Variants in MACO1 observed in about 807,000 individuals in gnomAD.
MACO1 encodes macoilin 1, also known as macoilin.
MACO1 carries 14 observed loss-of-function variants against 78.7 expected under a neutral mutation model. That is an observed-to-expected ratio of 0.18 (90% CI 0.12 to 0.28). The LOEUF (loss-of-function observed/expected upper bound fraction) is 0.28. Among genes scored for constraint, MACO1 ranks in the 10% least tolerant of loss-of-function variants. The pLI is 1.00. For missense variants in MACO1, 501 were observed against 799.0 expected (o/e 0.63, Z 4.50); for synonymous variants, 288 against 291.6 (o/e 0.99, Z 0.12).
intron 6 of MACO1, among the ~76,000 whole-genome samples, chr1:25,463,918 G>T (rs192747354): frequency 2.0e-5 from 3 of 152,104 alleles, no homozygotes; most frequent in Non-Finnish European, 2.9e-5. Context: ...TATACCTGCT[G>T]TCCCCACACA....
At chr1:25,495,093 C>T (rs1447531714) in intron 10 of MACO1, among the ~76,000 whole-genome samples, 2 of 152,202 alleles carry the variant, frequency 1.3e-5, no homozygotes, top group African/African-American at 2.4e-5. Context: ...TGACCTTACA[C>T]TGACTTTTTT....
Position 25,431,032 on chromosome 1 carries a change from A to AGCG in MACO1, c.-58_-56dup. 3.4e-6 allele frequency: 4 copies of AGCG among 1,172,754 alleles called. No individual in the cohort carries two copies. Among genetic ancestry groups the AGCG allele is most frequent in the Non-Finnish European group, 4.5e-6 (4 of 890,648 alleles). The allele number at this position is 1,172,754 out of a possible 1,614,324, so 72.6% of individuals were successfully genotyped here. A position where few individuals can be genotyped will look rare whatever the true frequency, so the allele number is the denominator to read the frequency against. ...GTCCAGGCCCGACGCGGGGCGGGCC[A>AGCG]GCGGCGGCGGCAGCTGAGGTGAGAG... On this transcript the variant is annotated 5_prime_UTR_variant, in exon 1 of 11. Transcript: ENST00000374343.
intron 7 of MACO1, 89 bp downstream of exon 7, chr1:25,484,363 G>T: frequency 7.5e-7 from 1 of 1,329,210 alleles, no homozygotes; most frequent in African/African-American, 1.5e-5. Flanking sequence ...GATTTATGGT[G>T]ACAGAGACCT....
chr1:25,493,564 T>G (rs1332156531), intron 10 of MACO1, among the ~76,000 whole-genome samples: 1 of 152,030 alleles, frequency 6.6e-6, no homozygotes, highest in Non-Finnish European at 1.5e-5. Context: ...TAATTTATTA[T>G]TCATTTAAAA....
chr1:25,489,136 T>G, intron 8 of MACO1, 37 bp from the exon 9 acceptor site: 1 of 1,602,290 alleles, frequency 6.2e-7, no homozygotes, highest in Admixed American at 1.7e-5. Context: ...CTATAGTCTT[T>G]TAAATCACTT....
intron 6 of MACO1, among the ~76,000 whole-genome samples, chr1:25,481,105 T>TA (rs1557673486): frequency 6.6e-6 from 1 of 151,760 alleles, no homozygotes; most frequent in South Asian, 2.1e-4. Flanking sequence ...TAAATATTGT[T>TA]ATTTTTAGTT....
At chr1:25,463,824 T>C (rs1457448946) in intron 6 of MACO1, among the ~76,000 whole-genome samples, 1 of 152,198 alleles carries the variant, frequency 6.6e-6, no homozygotes, top group Non-Finnish European at 1.5e-5. Flanking sequence ...TCATAGCATT[T>C]TATAGTGTTT....
chr1:25,443,991 C>T (rs1455368094), intron 1 of MACO1, among the ~76,000 whole-genome samples: 1 of 151,394 alleles, frequency 6.6e-6, no homozygotes, highest in Non-Finnish European at 1.5e-5. Context: ...GTGGCTCACG[C>T]CTGTAATCCC....
At position 25,440,310 on chromosome 1, in the gene MACO1, G is replaced by T. The variant is rs1276180413; in HGVS notation, c.81-6452G>T. On this transcript the variant is annotated intron_variant, in intron 1 of 10. Coordinates refer to ENST00000374343, the MANE Select transcript of MACO1 (RefSeq NM_018202.6). ...ATTACTCTGGAGGCTGAGATAGGAG[G>T]ATCACTTGAGCCCAGGTTGAGGTTG... Among the ~76,000 whole-genome samples, 3 of 150,272 alleles carry T rather than the reference G, an allele frequency of 2.0e-5. No individual in the cohort carries two copies. The East Asian group carries it at 5.9e-4, about 29-fold the overall frequency.
intron 6 of MACO1, 121 bp downstream of exon 6, chr1:25,459,013 G>T: frequency 7.7e-7 from 1 of 1,290,582 alleles, no homozygotes. Context: ...GTGACGTGTG[G>T]TGTTTTACAT....
intron 1 of MACO1, among the ~76,000 whole-genome samples, chr1:25,432,458 T>C (rs983907136): frequency 6.6e-6 from 1 of 152,240 alleles, no homozygotes; most frequent in Non-Finnish European, 1.5e-5. Flanking sequence ...ATCAGTTATA[T>C]ATACTATGTG....
chr1:25,499,696 G>A lies in MACO1; in HGVS notation c.*1230G>A, dbSNP rs1187078289. 6.6e-6 allele frequency: 1 copy of A among 150,726 alleles called. No homozygotes were observed. The highest frequency in any genetic ancestry group is 6.6e-5 in the Admixed American group (1 of 15,162). 9.3% of individuals were successfully genotyped at this position (150,726 alleles called of 1,614,324 possible). A position where few individuals can be genotyped will look rare whatever the true frequency, so the allele number is the denominator to read the frequency against. On this transcript the variant is annotated 3_prime_UTR_variant, in exon 11 of 11. Transcript: ENST00000374343. The stretch of plus-strand genomic sequence containing the variant: ...TTTAAGAATCAGGGTGGGGGTGGCG[G>A]GAGGGACCGGGTGGGGGCAATGCAA...
chr1:25,495,542 C>T (rs1034897304), intron 10 of MACO1, among the ~76,000 whole-genome samples: 28 of 152,168 alleles, frequency 1.8e-4, no homozygotes, highest in African/African-American at 6.5e-4. Flanking sequence ...CTGCTGCCTT[C>T]CCCACTCCCT....
intron 2 of MACO1, among the ~76,000 whole-genome samples, chr1:25,448,158 T>A (rs572186813): frequency 1.3e-5 from 2 of 152,264 alleles, no homozygotes; most frequent in South Asian, 4.1e-4. Context: ...AAGACTTTTC[T>A]GTATTAAAAT....
In MACO1 at chr1:25,446,678, C is replaced by T. The variant is rs2043017819; in HGVS notation, c.81-84C>T. 1.0e-5 allele frequency: 14 copies of T among 1,344,804 alleles called. No homozygotes were observed. The Admixed American group carries it at 1.1e-4, about 10-fold the overall frequency. The allele number at this position is 1,344,804 out of a possible 1,614,324, so 83.3% of individuals were successfully genotyped here. The stretch of plus-strand genomic sequence containing the variant: ...ATGATATATGGAGGTATTTTTTTGT[C>T]GTTTTAAACAGAAACAGTGAATTTT... On this transcript the variant is annotated intron_variant, in intron 1 of 10. Transcript: ENST00000374343.
In MACO1 at chr1:25,495,689, C is replaced by T. The variant is rs146019156; in HGVS notation, c.1793-2575C>T. On this transcript the variant is annotated intron_variant, in intron 10 of 10. Coordinates refer to ENST00000374343, the MANE Select transcript of MACO1 (RefSeq NM_018202.6). The stretch of plus-strand genomic sequence containing the variant: ...GTTCCAAAATGACTTTCAGGCCAGG[C>T]GCGGTGGCTCACACCTGTAATACCA... 1.0e-3 allele frequency among the ~76,000 whole-genome samples: 157 copies of T among 152,272 alleles called. 1 individual carries two copies. The East Asian group carries it at 0.019, about 19-fold the overall frequency.
At chr1:25,431,475 A>G (rs2042867338) in intron 1 of MACO1, among the ~76,000 whole-genome samples, 1 of 150,820 alleles carries the variant, frequency 6.6e-6, no homozygotes, top group Admixed American at 6.6e-5. Flanking sequence ...AGAGCCCCCA[A>G]CCAGCCCGGC....
intron 6 of MACO1, among the ~76,000 whole-genome samples, chr1:25,481,189 T>C (rs1459988070): frequency 6.6e-6 from 1 of 152,060 alleles, no homozygotes; most frequent in African/African-American, 2.4e-5. Context: ...TCTACAGATT[T>C]AATTTTTCTT....
At chr1:25,463,309 T>C (rs1043100099) in intron 6 of MACO1, among the ~76,000 whole-genome samples, 1 of 152,170 alleles carries the variant, frequency 6.6e-6, no homozygotes, top group African/African-American at 2.4e-5. Flanking sequence ...GCTGGGTAGA[T>C]TGCTAAGGTA....
Sources: gnomAD v4.1 joint callset for allele counts (sites outside exome capture counted in the v4.1 genomes callset) on GRCh38, gnomAD v4.1.1 for gene constraint, MANE v1.5 for transcripts, NCBI Gene and HGNC (gene_info 2026-07-23, HGNC 2026-07-21) for gene names.